The following ZNF669 variants were observed in gnomAD, a reference collection of about 807,000 sequenced individuals.
The protein encoded by ZNF669 is zinc finger protein 669.
ZNF669 carries 7 observed loss-of-function variants against 11.4 expected under a neutral mutation model. That is an observed-to-expected ratio of 0.62 (90% CI 0.35 to 1.16). The LOEUF is 1.16. Ranked by LOEUF, ZNF669 falls within the 50% of genes most tolerant of loss-of-function variation. ZNF669 has a pLI of 0.02. For missense variants in ZNF669, 492 were observed against 463.6 expected, an observed-to-expected ratio of 1.06 and a Z score of -0.56; for synonymous variants, 153 against 155.8, an observed-to-expected ratio of 0.98 and a Z score of 0.13.
Position 247,104,227 on chromosome 1 carries a change from C to G in ZNF669, c.-28G>C. On this transcript the variant is annotated 5_prime_UTR_variant, in exon 1 of 4. Coordinates refer to ENST00000448299, the MANE Select transcript of ZNF669 (RefSeq NM_001142572.2). ...CTCGGCTTCCCGGGTGTCCTGGCGT[C>G]AGCTAGGGATGTCCCAATACTCGCA... 6.6e-7 allele frequency: 1 copy of G among 1,507,540 alleles called. No homozygotes were observed. Among genetic ancestry groups the G allele is most frequent in the Non-Finnish European group, 8.9e-7 (1 of 1,129,744 alleles). The allele number at this position is 1,507,540 out of a possible 1,614,324, so 93.4% of individuals were successfully genotyped here.
chr1:247,102,231 C>G (rs1382297914), intron 1 of ZNF669, 118 bp from the exon 2 acceptor site: 6 of 1,251,340 alleles, frequency 4.8e-6, no homozygotes, highest in Non-Finnish European at 6.6e-6. Context: ...TATTCTATGA[C>G]TTGATTGTCA....
Position 247,101,695 on chromosome 1 carries a change from C to G in ZNF669, c.191+36G>C, listed in dbSNP as rs74152921. On this transcript the variant is annotated intron_variant, in intron 3 of 3. Coordinates refer to ENST00000448299, the MANE Select transcript of ZNF669 (RefSeq NM_001142572.2). The stretch of plus-strand genomic sequence containing the variant: ...AGTTCATGACATGCTAAGATTCCTT[C>G]AGAGGACTTTATTTCCTCTGCTCAG... The G allele has an allele frequency of 1.4e-3, 2,147 of 1,572,794 alleles. 28 individuals carry two copies. The African/African-American group carries it at 0.023, about 17-fold the overall frequency.
chr1:247,100,563 G>A lies in ZNF669; in HGVS notation c.948C>T (p.Leu316=), dbSNP rs1349679581. ...CKQCDQAFSR[L]SSLHLHERIH... ...TTCTTTCGTGGAGGTGAAGGGAACT[G>A]AGGCGACTGAAGGCTTGATCACATT... Residue 316 remains leucine (L), a synonymous_variant, in exon 4 of 4, where the codon CTC becomes CTT. Transcript: ENST00000448299. 3 of 1,614,236 alleles carry A rather than the reference G, an allele frequency of 1.9e-6. No homozygotes were observed. The highest frequency in any genetic ancestry group is 3.3e-5 in the Admixed American group (2 of 60,032).
Position 247,101,765 on chromosome 1 carries a change from C to T in ZNF669, c.157G>A (p.Glu53Lys). 1.2e-6 allele frequency: 2 copies of T among 1,613,990 alleles called. No individual in the cohort carries two copies. Among genetic ancestry groups the T allele is most frequent in the Non-Finnish European group, 1.7e-6 (2 of 1,179,960 alleles). ...VGSQWKDQNI[E>K]DHFEKPGKDI... ...TTCCCAGGTTTTTCGAAGTGATCTT[C>T]AATATTCTGGTCTTTCCATTGGCTT... Residue 53 changes from glutamate to lysine, a missense_variant, in exon 3 of 4, where the codon GAA becomes AAA. Glu to Lys is a moderately conservative substitution (Grantham distance 56). Coordinates refer to ENST00000448299, the MANE Select transcript of ZNF669 (RefSeq NM_001142572.2).
At chr1:247,102,763 A>C (rs559982132) in intron 1 of ZNF669, among the ~76,000 whole-genome samples, 1 of 152,236 alleles carries the variant, frequency 6.6e-6, no homozygotes, top group African/African-American at 2.4e-5. Context: ...TGGGGAGTTG[A>C]GCCCATTCCA....
chr1:247,102,941 TA>T (rs1671752835), intron 1 of ZNF669, among the ~76,000 whole-genome samples: 1 of 152,242 alleles, frequency 6.6e-6, no homozygotes, highest in Non-Finnish European at 1.5e-5. Flanking sequence ...AAAATGACAT[TA>T]ATGTCACCAC....
chr1:247,104,132 C>A (rs750697954), intron 1 of ZNF669, 65 bp downstream of exon 1: 2 of 1,586,524 alleles, frequency 1.3e-6, no homozygotes, highest in South Asian at 1.1e-5. Flanking sequence ...AGGCCCGAGT[C>A]GCGCCACAGC....
In ZNF669 at chr1:247,100,349, C is replaced by A. The variant is rs1436036241; in HGVS notation, c.*25G>T. On this transcript the variant is annotated 3_prime_UTR_variant, in exon 4 of 4. Coordinates refer to ENST00000448299, the MANE Select transcript of ZNF669 (RefSeq NM_001142572.2). The stretch of plus-strand genomic sequence containing the variant: ...CCAGGTTGTTTCACATTGTTTTAAT[C>A]CAGGCTGGTTATGAACTCCTGGGCT... The A allele has an allele frequency of 6.6e-6, 9 of 1,368,012 alleles. No homozygotes were observed. Among genetic ancestry groups the A allele is most frequent in the Middle Eastern group, 2.2e-4 (1 of 4,630 alleles). 84.7% of individuals were successfully genotyped at this position (1,368,012 alleles called of 1,614,324 possible). A position where few individuals can be genotyped will look rare whatever the true frequency, so the allele number is the denominator to read the frequency against.
intron 1 of ZNF669, among the ~76,000 whole-genome samples, chr1:247,103,648 A>G (rs1671772721): frequency 7.1e-6 from 1 of 141,630 alleles, no homozygotes. Flanking sequence ...AAAAAAAAAA[A>G]AAAAAAAAAA....
At position 247,101,025 on chromosome 1, in the gene ZNF669, T is replaced by A; in HGVS notation, c.486A>T (p.Pro162=). 1 of 1,613,812 alleles carries A rather than the reference T, an allele frequency of 6.2e-7. No individual in the cohort carries two copies. Among genetic ancestry groups the A allele is most frequent in the Non-Finnish European group, 8.5e-7 (1 of 1,180,012 alleles). The change falls in exon 4 of 4, where the codon CCA becomes CCT. Residue 162 remains proline (P), a synonymous_variant. Transcript: ENST00000448299. Reference sequence around the variant, plus strand: ...TCCCACATATCGTACATTTATAAGCTGGATTTCCACTGTGCATTATCATGT... The same window carrying A: ...TCCCACATATCGTACATTTATAAGCAGGATTTCCACTGTGCATTATCATGT... The part of the protein sequence containing the change: ...RRHMIMHSGN[P]AYKCTICGKA...
At chr1:247,101,372 T>C (rs1288278335) in intron 3 of ZNF669, 53 bp from the exon 4 acceptor site, 2 of 1,495,190 alleles carry the variant, frequency 1.3e-6, no homozygotes, top group East Asian at 2.3e-5. Context: ...AATAACTTTC[T>C]ACTTATTAAT....
Position 247,102,067 on chromosome 1 carries a change from T to C in ZNF669, c.50A>G (p.Glu17Gly), listed in dbSNP as rs759244632. 14 of 1,612,900 alleles carry C rather than the reference T, an allele frequency of 8.7e-6. No individual in the cohort carries two copies. The highest frequency in any genetic ancestry group is 1.2e-5 in the Non-Finnish European group (14 of 1,179,498). Residue 17 changes from glutamate (E) to glycine (G), a missense_variant, in exon 2 of 4, where the codon GAA (glutamate) becomes GGA (glycine). Coordinates refer to ENST00000448299, the MANE Select transcript of ZNF669 (RefSeq NM_001142572.2). ...CTGAGAAGAATCTAGCAAAGCCCAT[T>C]CCTCCTGGGTAAAGTTCACAGCCAC... ...EDVAVNFTQEEWALLDSSQKN... is the reference protein window; with the variant it reads ...EDVAVNFTQEGWALLDSSQKN...
At chr1:247,104,097 G>A in intron 1 of ZNF669, 100 bp downstream of exon 1, 1 of 1,595,396 alleles carries the variant, frequency 6.3e-7, no homozygotes, top group South Asian at 1.1e-5. Context: ...GACTCGGTCC[G>A]CAGGTTCCGG....
intron 1 of ZNF669, chr1:247,103,987 G>C: frequency 6.2e-7 from 1 of 1,603,852 alleles, no homozygotes; most frequent in Non-Finnish European, 8.5e-7. Context: ...GCCGGCGGAA[G>C]TGGCGCCCGC....
In ZNF669 at chr1:247,100,976, C is replaced by A; in HGVS notation, c.535G>T (p.Val179Phe). ...GTGTGAGTTCTCTGATGTCTTTCAA[C>A]TGAATTGAGAAAATAAAAAGCTTTC... ...CGKAFYFLNS[V>F]ERHQRTHTGE... is the part of the protein sequence containing the mutation. The change falls in exon 4 of 4, where the codon GTT (valine) becomes TTT (phenylalanine). Residue 179 changes from valine to phenylalanine, a missense_variant. Val to Phe is a conservative substitution (Grantham distance 50). Coordinates refer to ENST00000448299, the MANE Select transcript of ZNF669 (RefSeq NM_001142572.2). 1 of 1,613,180 alleles carries A rather than the reference C, an allele frequency of 6.2e-7. No homozygotes were observed. Among genetic ancestry groups the A allele is most frequent in the Non-Finnish European group, 8.5e-7 (1 of 1,179,794 alleles).
At position 247,104,332 on chromosome 1, in the gene ZNF669, G is replaced by A; in HGVS notation, c.-133C>T. On this transcript the variant is annotated 5_prime_UTR_variant, in exon 1 of 4. Coordinates refer to ENST00000448299, the MANE Select transcript of ZNF669 (RefSeq NM_001142572.2). ...AACTAGCAGCGGAGACTAACAGGAA[G>A]AGCCGGCTCCGGCGAAGGAGAGACA... 5 of 1,260,866 alleles carry A rather than the reference G, an allele frequency of 4.0e-6. No individual in the cohort carries two copies. Among genetic ancestry groups the A allele is most frequent in the Non-Finnish European group, 5.2e-6 (5 of 962,652 alleles). 78.1% of individuals were successfully genotyped at this position (1,260,866 alleles called of 1,614,324 possible). A position where few individuals can be genotyped will look rare whatever the true frequency, so the allele number is the denominator to read the frequency against.
chr1:247,100,130 G>T lies in ZNF669; in HGVS notation c.*244C>A, dbSNP rs376644930. The T allele has an allele frequency of 3.3e-4, 123 of 373,214 alleles. No homozygotes were observed. The highest frequency in any genetic ancestry group is 2.1e-3 in the African/African-American group (101 of 48,338). The allele number at this position is 373,214 out of a possible 1,614,324, so 23.1% of individuals were successfully genotyped here. On this transcript the variant is annotated 3_prime_UTR_variant, in exon 4 of 4. Coordinates refer to ENST00000448299, the MANE Select transcript of ZNF669 (RefSeq NM_001142572.2). Reference sequence around the variant, plus strand: ...CTCCCGAGTAACTGGGACCACAGGCGTCTGCCACCACGCCCAGCTAATTTT... The same window carrying T: ...CTCCCGAGTAACTGGGACCACAGGCTTCTGCCACCACGCCCAGCTAATTTT...
chr1:247,104,116 G>T, intron 1 of ZNF669, 81 bp downstream of exon 1: 1 of 1,596,910 alleles, frequency 6.3e-7, no homozygotes, highest in Non-Finnish European at 8.5e-7. Flanking sequence ...GGAGCCGATG[G>T]CGTGGAGGCC....
At chr1:247,104,159 T>C in intron 1 of ZNF669, 38 bp downstream of exon 1, 2 of 1,541,560 alleles carry the variant, frequency 1.3e-6, no homozygotes, top group Non-Finnish European at 1.7e-6. Context: ...CAACCAGCCC[T>C]CTTCTCCACT....
Sources: allele counts gnomAD v4.1 joint callset (sites outside exome capture counted in the v4.1 genomes callset), GRCh38; gene constraint gnomAD v4.1.1; transcripts MANE v1.5; gene names NCBI Gene and HGNC (gene_info 2026-07-23, HGNC 2026-07-21).